FAM222B: variants seen among roughly 807,000 people sequenced by gnomAD.
The protein encoded by FAM222B is family with sequence similarity 222 member B.
In FAM222B, 12 loss-of-function variants were observed where a neutral mutation model predicts 38.0. The ratio of observed to expected loss-of-function variants is 0.32; its 90% confidence interval spans 0.20 to 0.51. The LOEUF (loss-of-function observed/expected upper bound fraction) is 0.51, where lower values mean the gene tolerates loss of function less well. Among genes scored for constraint, FAM222B ranks in the 20% least tolerant of loss-of-function variants. FAM222B has a pLI of 0.97. For missense variants in FAM222B, 716 were observed against 754.2 expected, an observed-to-expected ratio of 0.95 and a Z score of 0.59; for synonymous variants, 329 against 317.2, an observed-to-expected ratio of 1.04 and a Z score of -0.40.
intron 1 of FAM222B, among the ~76,000 whole-genome samples, chr17:28,828,276 A>C (rs1312078570): frequency 1.3e-5 from 2 of 151,626 alleles, no homozygotes; most frequent in Non-Finnish European, 2.9e-5. Flanking sequence ...CAAAAAAACA[A>C]AGTGAGCTGG....
intron 1 of FAM222B, among the ~76,000 whole-genome samples, chr17:28,774,636 C>G (rs1365157470): frequency 6.6e-6 from 1 of 152,168 alleles, no homozygotes; most frequent in Non-Finnish European, 1.5e-5. Flanking sequence ...TATTAGAGTT[C>G]TGATGTCACA....
At chr17:28,776,794 C>T (rs2035920114) in intron 1 of FAM222B, among the ~76,000 whole-genome samples, 1 of 151,994 alleles carries the variant, frequency 6.6e-6, no homozygotes, top group Non-Finnish European at 1.5e-5. Context: ...AAAGTTTTAT[C>T]CTACACTGCT....
chr17:28,798,880 G>A (rs573289088), intron 1 of FAM222B, among the ~76,000 whole-genome samples: 26 of 152,042 alleles, frequency 1.7e-4, no homozygotes, highest in African/African-American at 5.5e-4. Flanking sequence ...GCCTCCCAAA[G>A]TGCTGGGATT....
At chr17:28,833,685 C>T (rs2038746482) in intron 1 of FAM222B, among the ~76,000 whole-genome samples, 1 of 149,570 alleles carries the variant, frequency 6.7e-6, no homozygotes, top group Admixed American at 6.7e-5. Flanking sequence ...TAGCACTGTA[C>T]TATGAAGTAG....
At chr17:28,798,437 C>T (rs2037045717) in intron 1 of FAM222B, among the ~76,000 whole-genome samples, 1 of 152,016 alleles carries the variant, frequency 6.6e-6, no homozygotes, top group South Asian at 2.1e-4. Context: ...ATAGAAAGTA[C>T]TGGGTAGGGT....
chr17:28,775,103 C>A (rs1304235450), intron 1 of FAM222B, among the ~76,000 whole-genome samples: 1 of 145,748 alleles, frequency 6.9e-6, no homozygotes, highest in African/African-American at 2.5e-5. Context: ...TGGGTTCAAG[C>A]AATTCTCCTG....
intron 1 of FAM222B, among the ~76,000 whole-genome samples, chr17:28,775,003 ATT>A (rs34758668): frequency 1.6e-5 from 2 of 125,562 alleles, no homozygotes; most frequent in African/African-American, 3.0e-5. Flanking sequence ...TCTCAGCTGT[ATT>A]TTTTTTTTTT....
At chr17:28,788,039 G>A (rs2036498649) in intron 1 of FAM222B, among the ~76,000 whole-genome samples, 1 of 152,044 alleles carries the variant, frequency 6.6e-6, no homozygotes, top group Non-Finnish European at 1.5e-5. Flanking sequence ...GGTCAGGCTA[G>A]TTTTGAACTC....
chr17:28,815,273 G>A (rs911150695), intron 1 of FAM222B, among the ~76,000 whole-genome samples: 3 of 151,364 alleles, frequency 2.0e-5, no homozygotes, highest in African/African-American at 7.3e-5. Flanking sequence ...GAGTGCAGTG[G>A]CGCGATCTCG....
intron 1 of FAM222B, among the ~76,000 whole-genome samples, chr17:28,776,310 G>A: frequency 7.2e-6 from 1 of 138,070 alleles, no homozygotes; most frequent in Non-Finnish European, 1.5e-5. Context: ...CCAGGAAGCA[G>A]AGTTGCAATG....
At chr17:28,814,977 T>C (rs2037959088) in intron 1 of FAM222B, among the ~76,000 whole-genome samples, 7 of 151,056 alleles carry the variant, frequency 4.6e-5, no homozygotes. Flanking sequence ...TTTCACCATG[T>C]TGCCCAGGCT....
chr17:28,807,002 CTATT>C (rs991930034), intron 1 of FAM222B, among the ~76,000 whole-genome samples: 10 of 151,712 alleles, frequency 6.6e-5, no homozygotes, highest in Non-Finnish European at 1.5e-4. Context: ...AAAAGTAAGA[CTATT>C]TATCTTTTTT....
intron 1 of FAM222B, among the ~76,000 whole-genome samples, chr17:28,823,800 TCTATCCAACTGC>T (rs1344898453): frequency 6.6e-6 from 1 of 152,134 alleles, no homozygotes; most frequent in Non-Finnish European, 1.5e-5. Context: ...GCCAGGCATT[TCTATCCAACTGC>T]CTATCTAATT....
intron 1 of FAM222B, among the ~76,000 whole-genome samples, chr17:28,777,783 T>A (rs2035959459): frequency 1.0e-5 from 1 of 96,792 alleles, no homozygotes; most frequent in Non-Finnish European, 2.3e-5. Flanking sequence ...TGCCTGGTAC[T>A]TTTTTTTTTT....
chr17:28,769,100 A>AT (rs1597863207), intron 1 of FAM222B, among the ~76,000 whole-genome samples: 2 of 150,526 alleles, frequency 1.3e-5, no homozygotes, highest in African/African-American at 2.4e-5. Flanking sequence ...TGGGATTACT[A>AT]TTAGCCTTCT....
rs1227071402 is a variant in FAM222B, at chr17:28,766,649, C to G, written c.19G>C (p.Gly7Arg). 1.7e-5 allele frequency: 28 copies of G among 1,605,276 alleles called. No individual in the cohort carries two copies. Among genetic ancestry groups the G allele is most frequent in the Middle Eastern group, 1.7e-4 (1 of 6,056 alleles). The change falls in exon 2 of 3, where the codon GGG becomes CGG. Residue 7 changes from glycine to arginine, a missense_variant. Gly to Arg is a moderately radical substitution (Grantham distance 125). Transcript: ENST00000581407. ...AGCTGAAAGGACAGGTCACCTGGCCCTGGTAGACAGGCTAGCATGGCAGAT... is the reference window on the plus strand; with the variant it reads ...AGCTGAAAGGACAGGTCACCTGGCCGTGGTAGACAGGCTAGCATGGCAGAT... The part of the protein sequence containing the change: MLACLP[G>R]PGDLSFQLLS...
chr17:28,811,987 A>G (rs1176422412), intron 1 of FAM222B, among the ~76,000 whole-genome samples: 1 of 152,098 alleles, frequency 6.6e-6, no homozygotes, highest in Non-Finnish European at 1.5e-5. Flanking sequence ...TTACTATGCG[A>G]CCGATATCGA....
intron 1 of FAM222B, among the ~76,000 whole-genome samples, chr17:28,829,850 AT>A (rs200826676): frequency 5.4e-5 from 8 of 148,138 alleles, no homozygotes; most frequent in Non-Finnish European, 7.5e-5. Context: ...TTTTTTTTAA[AT>A]TTTTTTTTTT....
intron 1 of FAM222B, among the ~76,000 whole-genome samples, chr17:28,818,025 A>G (rs962745188): frequency 6.6e-6 from 1 of 152,188 alleles, no homozygotes; most frequent in Non-Finnish European, 1.5e-5. Flanking sequence ...ATTTGCTAAA[A>G]TAACTAGTTG....
Sources: gnomAD v4.1 joint callset for allele counts (sites outside exome capture counted in the v4.1 genomes callset) on GRCh38, gnomAD v4.1.1 for gene constraint, MANE v1.5 for transcripts, NCBI Gene and HGNC (gene_info 2026-07-23, HGNC 2026-07-21) for gene names.